TBC1D14: variants seen among roughly 807,000 people sequenced by gnomAD.
TBC1D14 encodes the protein TBC1 domain family member 14.
TBC1D14 carries 26 observed loss-of-function variants against 79.0 expected under a neutral mutation model. The ratio of observed to expected loss-of-function variants is 0.33; its 90% CI spans 0.24 to 0.46. The LOEUF is 0.46. Ranked by LOEUF, TBC1D14 falls within the 20% of genes least tolerant of loss-of-function variation. TBC1D14 has a pLI of 1.00. For synonymous variants in TBC1D14, 394 were observed against 349.9 expected (o/e 1.13, Z -1.40); for missense variants, 769 against 887.6 (o/e 0.87, Z 1.70).
chr4:6,985,080 A>G (rs1487295680), intron 3 of TBC1D14, among the ~76,000 whole-genome samples: 1 of 152,204 alleles, frequency 6.6e-6, no homozygotes. Context: ...ACATTTTGCC[A>G]TATTTACTTT....
intron 3 of TBC1D14, among the ~76,000 whole-genome samples, chr4:6,990,280 C>G: frequency 6.6e-6 from 1 of 152,116 alleles, no homozygotes; most frequent in East Asian, 1.9e-4. Context: ...AAAACCCTGT[C>G]TCTACTAAAA....
intron 3 of TBC1D14, among the ~76,000 whole-genome samples, chr4:6,972,159 G>C (rs1196634311): frequency 6.6e-6 from 1 of 152,174 alleles, no homozygotes; most frequent in East Asian, 1.9e-4. Flanking sequence ...TTGAGCCTCT[G>C]AGTAGATCCA....
At chr4:6,936,478 G>A (rs551076795) in intron 2 of TBC1D14, among the ~76,000 whole-genome samples, 1 of 152,100 alleles carries the variant, frequency 6.6e-6, no homozygotes, top group Non-Finnish European at 1.5e-5. Context: ...TTTCTTTTTA[G>A]CACTCAATGA....
chr4:6,988,837 C>CTTGTCT (rs898851040), intron 3 of TBC1D14, among the ~76,000 whole-genome samples: 1 of 145,694 alleles, frequency 6.9e-6, no homozygotes, highest in Non-Finnish European at 1.5e-5. Flanking sequence ...GATGACCTTT[C>CTTGTCT]TTGTCTTTCT....
At chr4:6,998,832 C>G in intron 5 of TBC1D14, 1 of 378,614 alleles carries the variant, frequency 2.6e-6, no homozygotes, top group Non-Finnish European at 4.9e-6. Context: ...AGCCACCGCG[C>G]CTGGCCAACT....
At chr4:7,012,492 TA>T (rs1179722726) in intron 11 of TBC1D14, among the ~76,000 whole-genome samples, 1 of 152,174 alleles carries the variant, frequency 6.6e-6, no homozygotes, top group Non-Finnish European at 1.5e-5. Flanking sequence ...TGCACAAAGA[TA>T]GTCATTACAC....
chr4:6,976,634 G>A (rs1275010666), intron 3 of TBC1D14, among the ~76,000 whole-genome samples: 4 of 152,220 alleles, frequency 2.6e-5, no homozygotes, highest in East Asian at 1.9e-4. Context: ...AGAATTTGTT[G>A]CCAGCAGCAG....
rs1394562372 is a variant in TBC1D14 at position 7,012,281 on chromosome 4, G to A, written c.1647+1500G>A. ...TGCGCCACTGCACTCCAGCCTGGGC[G>A]ACAGAGCGAGACCCCATCTCAAAAA... On this transcript the variant is annotated intron_variant, in intron 11 of 13. Transcript: ENST00000409757. 1.1e-4 allele frequency among the ~76,000 whole-genome samples: 16 copies of A among 145,116 alleles called. No individual in the cohort carries two copies. In the South Asian group the frequency reaches 2.3e-3, roughly 21 times the overall value.
chr4:6,965,931 CTG>C (rs1193751018), intron 2 of TBC1D14, among the ~76,000 whole-genome samples: 4 of 152,318 alleles, frequency 2.6e-5, no homozygotes, highest in Non-Finnish European at 5.9e-5. Flanking sequence ...CACTTTCAAA[CTG>C]TGTAAAAATC....
Position 6,977,076 on chromosome 4 carries a change from C to A in TBC1D14, c.843+9652C>A, listed in dbSNP as rs1251357276. ...TCTCCCTCTCCCTCCTCTCCCTCTC[C>A]CTCTCCCTCTCCCCACTGTCTCCCT... On this transcript the variant is annotated intron_variant, in intron 3 of 13. Coordinates refer to ENST00000409757, the MANE Select transcript of TBC1D14 (RefSeq NM_020773.3). 2.5e-3 allele frequency among the ~76,000 whole-genome samples: 6 copies of A among 2,424 alleles called. 1 individual carries two copies. The highest frequency in any genetic ancestry group is 0.019 in the Admixed American group (2 of 106). 1.6% of individuals were successfully genotyped at this position (2,424 alleles called of 152,430 possible). A position where few individuals can be genotyped will look rare whatever the true frequency, so the allele number is the denominator to read the frequency against.
intron 3 of TBC1D14, among the ~76,000 whole-genome samples, chr4:6,983,096 C>T (rs1206046413): frequency 3.9e-5 from 6 of 152,006 alleles, no homozygotes; most frequent in Non-Finnish European, 8.8e-5. Flanking sequence ...GATCTCGCCT[C>T]ACTGCAACCT....
At chr4:6,999,697 C>T (rs1719465416) in intron 6 of TBC1D14, among the ~76,000 whole-genome samples, 1 of 152,120 alleles carries the variant, frequency 6.6e-6, no homozygotes, top group Non-Finnish European at 1.5e-5. Context: ...TGTACTTCCT[C>T]AGCCAGCAAA....
chr4:7,002,526 G>A (rs1437476640), intron 7 of TBC1D14, among the ~76,000 whole-genome samples: 2 of 152,176 alleles, frequency 1.3e-5, no homozygotes, highest in African/African-American at 2.4e-5. Flanking sequence ...TTAGACATGA[G>A]TCTTAGACAT....
At chr4:6,970,376 T>C (rs1188324067) in intron 3 of TBC1D14, among the ~76,000 whole-genome samples, 2 of 152,248 alleles carry the variant, frequency 1.3e-5, no homozygotes, top group Non-Finnish European at 2.9e-5. Context: ...CCTGCCTCCA[T>C]GGTGGTGAGG....
At chr4:6,910,993 C>T (rs1485930917) in intron 1 of TBC1D14, among the ~76,000 whole-genome samples, 1 of 152,172 alleles carries the variant, frequency 6.6e-6, no homozygotes, top group African/African-American at 2.4e-5. Flanking sequence ...AGGATGTTGG[C>T]ACCTAGTTGC....
At chr4:7,015,674 C>T (rs539408876) in intron 12 of TBC1D14, among the ~76,000 whole-genome samples, 2 of 152,252 alleles carry the variant, frequency 1.3e-5, no homozygotes, top group South Asian at 4.1e-4. Context: ...AGGGAGCAGC[C>T]TCTCAGATCA....
At chr4:7,023,656 G>A (rs1334483788) in intron 12 of TBC1D14, among the ~76,000 whole-genome samples, 2 of 152,234 alleles carry the variant, frequency 1.3e-5, no homozygotes, top group African/African-American at 4.8e-5. Context: ...AGACATCAGA[G>A]CGTGGGCGTT....
At chr4:6,943,187 C>T (rs565477200) in intron 2 of TBC1D14, among the ~76,000 whole-genome samples, 51 of 151,864 alleles carry the variant, frequency 3.4e-4, no homozygotes, top group African/African-American at 1.1e-3. Flanking sequence ...CCTGAAGCGG[C>T]ACACACAACT....
At chr4:6,953,364 G>A (rs1336204662) in intron 2 of TBC1D14, among the ~76,000 whole-genome samples, 1 of 131,136 alleles carries the variant, frequency 7.6e-6, no homozygotes, top group Admixed American at 7.3e-5. Flanking sequence ...GCTCACGCCT[G>A]TAATCCCAGC....
Sources: gnomAD v4.1 joint callset for allele counts (sites outside exome capture counted in the v4.1 genomes callset) on GRCh38, gnomAD v4.1.1 for gene constraint, MANE v1.5 for transcripts, NCBI Gene and HGNC (gene_info 2026-07-23, HGNC 2026-07-21) for gene names.